AUTS2: variants seen among roughly 807,000 people sequenced by gnomAD.
The protein encoded by AUTS2 is autism susceptibility gene 2 protein.
In AUTS2, 17 loss-of-function variants were observed where a neutral mutation model predicts 112.4. The observed-to-expected ratio is 0.15, with a 90% CI of 0.10 to 0.23. The LOEUF (loss-of-function observed/expected upper bound fraction) is 0.23. Ranked by LOEUF, AUTS2 falls within the 10% of genes least tolerant of loss-of-function variation. The probability of loss-of-function intolerance (pLI) is 1.00; values close to 1 mark genes in which losing one functional copy is unlikely to be tolerated. For missense variants in AUTS2, 1,510 were observed against 1,701.6 expected, an observed-to-expected ratio of 0.89 and a Z score of 1.98; for synonymous variants, 751 against 702.7, an observed-to-expected ratio of 1.07 and a Z score of -1.09.
chr7:70,480,178 GA>G (rs1056909333), intron 5 of AUTS2, among the ~76,000 whole-genome samples: 68 of 152,170 alleles, frequency 4.5e-4, no homozygotes, highest in Non-Finnish European at 8.4e-4. Flanking sequence ...GATATCAAGG[GA>G]AAAAACTAGA....
intron 4 of AUTS2, among the ~76,000 whole-genome samples, chr7:70,427,624 A>G (rs1462804603): frequency 6.6e-6 from 1 of 152,222 alleles, no homozygotes; most frequent in South Asian, 2.1e-4. Context: ...TATGAGCTTT[A>G]AAACTTCAAG....
chr7:69,824,860 A>G (rs1484073626), intron 1 of AUTS2, among the ~76,000 whole-genome samples: 1 of 152,188 alleles, frequency 6.6e-6, no homozygotes, highest in East Asian at 1.9e-4. Context: ...TTGGCTGGCA[A>G]TCAAAAGCTG....
At chr7:70,251,540 T>C (rs1786602689) in intron 4 of AUTS2, among the ~76,000 whole-genome samples, 1 of 152,184 alleles carries the variant, frequency 6.6e-6, no homozygotes, top group African/African-American at 2.4e-5. Flanking sequence ...CTATTCAGTT[T>C]CTTTTCAAGT....
At chr7:70,497,085 C>T (rs1307242603) in intron 5 of AUTS2, among the ~76,000 whole-genome samples, 1 of 129,262 alleles carries the variant, frequency 7.7e-6, no homozygotes, top group Non-Finnish European at 1.6e-5. Context: ...ACACACACCA[C>T]GTACACAGTC....
At chr7:70,021,820 C>T (rs1800289189) in intron 2 of AUTS2, among the ~76,000 whole-genome samples, 1 of 152,012 alleles carries the variant, frequency 6.6e-6, no homozygotes, top group African/African-American at 2.4e-5. Context: ...CTTTGAATCT[C>T]CTTTAGGAAA....
rs1282601822 is a variant in AUTS2 at position 70,631,952 on chromosome 7, G to T, written c.691-66617G>T. On this transcript the variant is annotated intron_variant, in intron 5 of 18. Coordinates refer to ENST00000342771, the MANE Select transcript of AUTS2 (RefSeq NM_015570.4). This position sits in a 1 kb window ranked among gnomAD's most constrained non-coding sequence, Gnocchi z 4.5. ...AGGAGATTTGCATCTCTGGCCTCCTGTGGAGACCCGATCTGCCGTCCTGGT... is the reference window on the plus strand; with the variant it reads ...AGGAGATTTGCATCTCTGGCCTCCTTTGGAGACCCGATCTGCCGTCCTGGT... 6.6e-6 allele frequency among the ~76,000 whole-genome samples: 1 copy of T among 151,962 alleles called. No homozygotes were observed. Among genetic ancestry groups the T allele is most frequent in the African/African-American group, 2.4e-5 (1 of 41,398 alleles).
chr7:70,184,163 T>G (rs1809478537), intron 4 of AUTS2, among the ~76,000 whole-genome samples: 1 of 152,216 alleles, frequency 6.6e-6, no homozygotes, highest in African/African-American at 2.4e-5. Context: ...AACTTGTTAT[T>G]GACAGTCATC....
chr7:69,896,157 G>C (rs1173842734), intron 1 of AUTS2, among the ~76,000 whole-genome samples: 1 of 152,166 alleles, frequency 6.6e-6, no homozygotes, highest in East Asian at 1.9e-4. Flanking sequence ...GAGCTGAGCA[G>C]ATGCCTGGCA....
At position 70,777,147 on chromosome 7, in the gene AUTS2, G is replaced by A; in HGVS notation, c.1977G>A (p.Gln659=). 1 of 1,614,136 alleles carries A rather than the reference G, an allele frequency of 6.2e-7. No homozygotes were observed. Among genetic ancestry groups the A allele is most frequent in the Non-Finnish European group, 8.5e-7 (1 of 1,180,014 alleles). Residue 659 remains glutamine (Q), a synonymous_variant, in exon 14 of 19, where the codon CAG becomes CAA. Transcript: ENST00000342771. ...WCAMHVHIAW[Q]IYHHQQKVKK... ...CTATGCATGTTCACATCGCCTGGCAGATTTACCACCACCAACAGAAAGTCA... is the reference window on the plus strand; with the variant it reads ...CTATGCATGTTCACATCGCCTGGCAAATTTACCACCACCAACAGAAAGTCA...
At chr7:70,046,499 A>G (rs377213944) in intron 2 of AUTS2, among the ~76,000 whole-genome samples, 29 of 152,272 alleles carry the variant, frequency 1.9e-4, no homozygotes, top group African/African-American at 6.3e-4. Flanking sequence ...GATTATTCGA[A>G]CCTGGACTCT....
intron 1 of AUTS2, among the ~76,000 whole-genome samples, chr7:69,634,862 T>C (rs1487826545): frequency 2.0e-5 from 3 of 152,226 alleles, no homozygotes; most frequent in Admixed American, 2.0e-4. Context: ...ACCTGGATTA[T>C]TCTAATGGGA....
intron 4 of AUTS2, among the ~76,000 whole-genome samples, chr7:70,219,104 A>G (rs1388159092): frequency 1.3e-5 from 2 of 152,228 alleles, no homozygotes; most frequent in African/African-American, 4.8e-5. Flanking sequence ...ACGAGAACAC[A>G]AAGTAGTATT....
intron 5 of AUTS2, among the ~76,000 whole-genome samples, chr7:70,618,556 A>G (rs1804501182): frequency 6.6e-6 from 1 of 152,198 alleles, no homozygotes; most frequent in African/African-American, 2.4e-5. Flanking sequence ...TGCCCTATTG[A>G]GAATTAAACT....
At chr7:69,969,082 G>C (rs565674642) in intron 2 of AUTS2, among the ~76,000 whole-genome samples, 1 of 152,026 alleles carries the variant, frequency 6.6e-6, no homozygotes, top group African/African-American at 2.4e-5. Flanking sequence ...ACTTTCCTTT[G>C]AGAAGCCGAC....
intron 5 of AUTS2, among the ~76,000 whole-genome samples, chr7:70,686,994 G>A (rs1024879726): frequency 1.3e-5 from 2 of 152,012 alleles, no homozygotes; most frequent in Admixed American, 1.3e-4. Flanking sequence ...ACGCCGATCC[G>A]TCCTTTCAGC....
intron 6 of AUTS2, among the ~76,000 whole-genome samples, chr7:70,700,837 G>A (rs1809417015): frequency 6.6e-6 from 1 of 152,212 alleles, no homozygotes; most frequent in Non-Finnish European, 1.5e-5. Context: ...TCAAGGAACT[G>A]TCAGCTTCAT....
chr7:70,691,013 G>A (rs1808725999), intron 5 of AUTS2, among the ~76,000 whole-genome samples: 1 of 152,192 alleles, frequency 6.6e-6, no homozygotes, highest in African/African-American at 2.4e-5. Context: ...TGACTTACAA[G>A]AATTTCCCTT....
intron 1 of AUTS2, among the ~76,000 whole-genome samples, chr7:69,658,398 C>T (rs772102459): frequency 2.6e-5 from 4 of 152,144 alleles, no homozygotes; most frequent in Non-Finnish European, 5.9e-5. Context: ...GAATGACTGA[C>T]CAATCTATTT....
chr7:70,144,619 C>T (rs1389783827), intron 4 of AUTS2, among the ~76,000 whole-genome samples: 1 of 152,082 alleles, frequency 6.6e-6, no homozygotes, highest in Non-Finnish European at 1.5e-5. Context: ...TTTGGTTTTA[C>T]ATAGGTCCAG....
Sources: allele counts gnomAD v4.1 joint callset (sites outside exome capture counted in the v4.1 genomes callset), GRCh38; gene constraint gnomAD v4.1.1; non-coding constraint Gnocchi (gnomAD v3.1); transcripts MANE v1.5; gene names NCBI Gene and HGNC (gene_info 2026-07-23, HGNC 2026-07-21).